Variants in ATP6V1B2 observed in about 807,000 individuals in gnomAD.
ATP6V1B2 encodes ATPase H+ transporting V1 subunit B2, also known as V-type proton ATPase subunit B, brain isoform.
ATP6V1B2 carries 23 observed loss-of-function variants against 66.7 expected under a neutral mutation model. The observed-to-expected ratio is 0.34, with a 90% confidence interval of 0.25 to 0.49. The LOEUF (loss-of-function observed/expected upper bound fraction) is 0.49, where lower values mean the gene tolerates loss of function less well. Among genes scored for constraint, ATP6V1B2 ranks in the 20% least tolerant of loss-of-function variants. The pLI, the probability that ATP6V1B2 is intolerant of heterozygous loss-of-function variation, is 0.99. For synonymous variants in ATP6V1B2, 278 were observed against 236.7 expected, an observed-to-expected ratio of 1.17 and a Z score of -1.60; for missense variants, 478 against 650.8, an observed-to-expected ratio of 0.73 and a Z score of 2.89.
At chr8:20,214,238 C>G (rs1453969779) in intron 9 of ATP6V1B2, 1 of 152,212 alleles carries the variant, frequency 6.6e-6, no homozygotes, top group Non-Finnish European at 1.5e-5. Context: ...TCGTTTATCA[C>G]CATTCTTATT....
chr8:20,218,019 T>C, intron 12 of ATP6V1B2, 134 bp from the exon 13 acceptor site: 18 of 1,218,182 alleles, frequency 1.5e-5, no homozygotes, highest in Non-Finnish European at 2.0e-5. Context: ...TCATATGAAT[T>C]TTATGTGAAT....
In ATP6V1B2 at chr8:20,215,011, AAGAG is replaced by A. The variant is rs758317673; in HGVS notation, c.1078+49_1078+52del. On this transcript the variant is annotated intron_variant, in intron 10 of 13. Transcript: ENST00000276390. ...GATTATAACACACCTAATCATTTTA[AAGAG>A]AGAGAAGACCCATCTACCTTTTCGA... The A allele has an allele frequency of 5.7e-5, 91 of 1,586,388 alleles. 1 individual carries two copies. In the South Asian group the frequency reaches 9.4e-4, roughly 16 times the overall value.
chr8:20,207,030 G>A (rs2072745985), intron 2 of ATP6V1B2, among the ~76,000 whole-genome samples: 1 of 152,134 alleles, frequency 6.6e-6, no homozygotes, highest in Non-Finnish European at 1.5e-5. Context: ...ACAAGGTAGT[G>A]GATACAGGAT....
In ATP6V1B2 at chr8:20,209,447, T is replaced by A; in HGVS notation, c.207T>A (p.Ala69=). The A allele has an allele frequency of 6.2e-7, 1 of 1,614,004 alleles. No individual in the cohort carries two copies. The highest frequency in any genetic ancestry group is 1.1e-5 in the South Asian group (1 of 91,082). ...TTTCTCTTTAGTTTCCCAGGTATGCTGAAATTGTCCATTTGACCTTACCGG... is the reference window on the plus strand; with the variant it reads ...TTTCTCTTTAGTTTCCCAGGTATGCAGAAATTGTCCATTTGACCTTACCGG... ...ILDHVKFPRY[A]EIVHLTLPDG... The change falls in exon 3 of 14, where the codon GCT becomes GCA. Residue 69 remains alanine, a synonymous_variant. Transcript: ENST00000276390.
At chr8:20,218,589 A>G (rs906275742) in intron 13 of ATP6V1B2, among the ~76,000 whole-genome samples, 4 of 152,026 alleles carry the variant, frequency 2.6e-5, no homozygotes, top group African/African-American at 9.7e-5. Context: ...CCTTGCTGCT[A>G]ACTTCTTAGC....
At chr8:20,206,258 A>G (rs190161651) in intron 2 of ATP6V1B2, among the ~76,000 whole-genome samples, 212 of 152,228 alleles carry the variant, frequency 1.4e-3, no homozygotes, top group Non-Finnish European at 2.4e-3. Context: ...GGGAACACCT[A>G]TTGGATGCCC....
chr8:20,199,836 C>T (rs895960066), intron 1 of ATP6V1B2, among the ~76,000 whole-genome samples: 1 of 152,098 alleles, frequency 6.6e-6, no homozygotes, highest in Non-Finnish European at 1.5e-5. Flanking sequence ...GTGGCGAACT[C>T]CTGAGCTCAG....
At position 20,210,341 on chromosome 8, in the gene ATP6V1B2, G is replaced by C. The variant is rs1161309279; in HGVS notation, c.292-5G>C. 1 of 1,606,514 alleles carries C rather than the reference G, an allele frequency of 6.2e-7. No homozygotes were observed. Among genetic ancestry groups the C allele is most frequent in the East Asian group, 2.2e-5 (1 of 44,776 alleles). On this transcript the variant is annotated splice_region_variant and splice_polypyrimidine_tract_variant and intron_variant, in intron 3 of 13. Transcript: ENST00000276390. Reference sequence around the variant, plus strand: ...ACCCTTCTCATTAATTCTTTTTCTTGATAGGTATTTGAAGGGACTTCAGGT... The same window carrying C: ...ACCCTTCTCATTAATTCTTTTTCTTCATAGGTATTTGAAGGGACTTCAGGT...
rs774060783 is a variant in ATP6V1B2 at position 20,197,489 on chromosome 8, C to T, written c.83C>T (p.Ala28Val). ...CCCACCGGTGGGCCGGCGGTGGGAG[C>T]TCGGGAGCAGGCGCTGGCAGTCAGT... Reference protein sequence around the residue: ...PVPTGGPAVGAREQALAVSRN... With the variant: ...PVPTGGPAVGVREQALAVSRN... The change falls in exon 1 of 14, where the codon GCT becomes GTT. Residue 28 changes from alanine (A) to valine (V), a missense_variant. This residue lies in a region of ATP6V1B2 where 152 missense variants were observed against 105.2 expected (regional missense o/e 1.44). Transcript: ENST00000276390. The T allele has an allele frequency of 6.6e-7, 1 of 1,506,976 alleles. No individual in the cohort carries two copies. Among genetic ancestry groups the T allele is most frequent in the East Asian group, 2.7e-5 (1 of 37,496 alleles). The allele number at this position is 1,506,976 out of a possible 1,614,324, so 93.4% of individuals were successfully genotyped here. A position where few individuals can be genotyped will look rare whatever the true frequency, so the allele number is the denominator to read the frequency against.
intron 1 of ATP6V1B2, among the ~76,000 whole-genome samples, chr8:20,202,357 T>C (rs2072696414): frequency 1.3e-5 from 2 of 152,220 alleles, no homozygotes; most frequent in South Asian, 2.1e-4. Flanking sequence ...AGAATAATTT[T>C]TCTCTTCTAA....
chr8:20,198,148 C>G (rs1249112575), intron 1 of ATP6V1B2, among the ~76,000 whole-genome samples: 1 of 152,216 alleles, frequency 6.6e-6, no homozygotes, highest in Non-Finnish European at 1.5e-5. Flanking sequence ...TGCAGGTCAT[C>G]CAGTCCAACC....
intron 13 of ATP6V1B2, 58 bp from the exon 14 acceptor site, chr8:20,220,205 A>G (rs1206227773): frequency 1.9e-6 from 3 of 1,570,602 alleles, no homozygotes; most frequent in Non-Finnish European, 2.6e-6. Flanking sequence ...TACATACTGG[A>G]TAACACTGCT....
rs1269745572 is a variant in ATP6V1B2, at chr8:20,218,377, T to G, written c.1396+95T>G. 6 of 1,486,990 alleles carry G rather than the reference T, an allele frequency of 4.0e-6. No homozygotes were observed. The Admixed American group carries it at 1.3e-4, about 31-fold the overall frequency. 92.1% of individuals were successfully genotyped at this position (1,486,990 alleles called of 1,614,324 possible). ...AAGAAAATTCTCATTGGTTTCTATATAGTTATTTCTCTGGTTAGAGAAGAG... is the reference window on the plus strand; with the variant it reads ...AAGAAAATTCTCATTGGTTTCTATAGAGTTATTTCTCTGGTTAGAGAAGAG... On this transcript the variant is annotated intron_variant, in intron 13 of 13. Coordinates refer to ENST00000276390, the MANE Select transcript of ATP6V1B2 (RefSeq NM_001693.4).
rs1022342365 is a variant in ATP6V1B2, at chr8:20,197,396, G to C, written c.-11G>C. 2.6e-6 allele frequency: 4 copies of C among 1,531,290 alleles called. No individual in the cohort carries two copies. The highest frequency in any genetic ancestry group is 3.5e-6 in the Non-Finnish European group (4 of 1,140,426). The allele number at this position is 1,531,290 out of a possible 1,614,324, so 94.9% of individuals were successfully genotyped here. ...CGTCGCTGCTGGGCCAGTCGGGACA[G>C]AGGAGACAAGATGGCGCTGCGGGCG... On this transcript the variant is annotated 5_prime_UTR_variant, in exon 1 of 14. Coordinates refer to ENST00000276390, the MANE Select transcript of ATP6V1B2 (RefSeq NM_001693.4).
intron 3 of ATP6V1B2, among the ~76,000 whole-genome samples, chr8:20,210,063 A>AT (rs529882336): frequency 7.5e-5 from 11 of 147,104 alleles, no homozygotes; most frequent in Admixed American, 5.5e-4. Flanking sequence ...CCCTTTAAAA[A>AT]ATATATATAT....
At chr8:20,216,329 G>A (rs752432555) in intron 10 of ATP6V1B2, 84 bp from the exon 11 acceptor site, 17 of 1,224,328 alleles carry the variant, frequency 1.4e-5, no homozygotes, top group African/African-American at 3.0e-5. Flanking sequence ...GGGACTTTTT[G>A]TGGGTTTGGT....
chr8:20,218,045 C>T (rs978519863), intron 12 of ATP6V1B2, 108 bp from the exon 13 acceptor site: 3 of 1,384,420 alleles, frequency 2.2e-6, no homozygotes, highest in Admixed American at 2.5e-5. Context: ...TTGTAAATTC[C>T]TTCTATGGGC....
Position 20,211,217 on chromosome 8 carries a change from A to G in ATP6V1B2, c.504A>G (p.Glu168=), listed in dbSNP as rs780845470. The G allele has an allele frequency of 1.9e-6, 3 of 1,613,122 alleles. No homozygotes were observed. Among genetic ancestry groups the G allele is most frequent in the East Asian group, 2.2e-5 (1 of 44,836 alleles). ...INPQCRIYPE[E]MIQTGISAID... ...CTCAATGTCGAATCTACCCAGAGGA[A>G]ATGATTCAGACTGGCATTTCGGCCA... The change falls in exon 6 of 14, where the codon GAA becomes GAG. Residue 168 remains glutamate (E), a synonymous_variant. Transcript: ENST00000276390.
intron 13 of ATP6V1B2, 144 bp downstream of exon 13, chr8:20,218,426 C>G (rs1297604811): frequency 9.1e-7 from 1 of 1,101,388 alleles, no homozygotes; most frequent in Non-Finnish European, 1.2e-6. Flanking sequence ...CCTGCCTTAA[C>G]CCTCTGGCTT....
Sources: gnomAD v4.1 joint callset for allele counts (sites outside exome capture counted in the v4.1 genomes callset) on GRCh38, gnomAD v4.1.1 for gene constraint, gnomAD v4.1.1 regional missense constraint, MANE v1.5 for transcripts, NCBI Gene and HGNC (gene_info 2026-07-23, HGNC 2026-07-21) for gene names.